The following REV3L variants were observed in gnomAD, a reference collection of about 807,000 sequenced individuals.
REV3L encodes REV3 like, DNA directed polymerase zeta catalytic subunit, also known as DNA polymerase zeta catalytic subunit.
A neutral mutation model predicts 299.4 loss-of-function variants in REV3L; 69 were observed. The observed-to-expected ratio is 0.23, with a 90% CI of 0.19 to 0.28. The LOEUF (loss-of-function observed/expected upper bound fraction) is 0.28. Ranked by LOEUF, REV3L falls within the 10% of genes least tolerant of loss-of-function variation. REV3L has a pLI of 1.00. For missense variants in REV3L, 3,128 were observed against 3,693.8 expected (o/e 0.85, Z 3.97); for synonymous variants, 1,238 against 1,271.4 (o/e 0.97, Z 0.56).
At position 111,333,192 on chromosome 6, in the gene REV3L, T is replaced by C; in HGVS notation, c.7856A>G (p.Tyr2619Cys). Residue 2619 changes from tyrosine to cysteine, a missense_variant, in exon 23 of 32, where the codon TAT becomes TGT. Tyr to Cys is a radical substitution (Grantham distance 194). Around this residue, in one of 9 missense-constraint regions of REV3L, gnomAD observed 149 missense variants for 286.4 expected, o/e 0.52. Transcript: ENST00000368802. ...SVLVLDFQSL[Y>C]PSIVIAYNYC... ...GTTATATGCAATCACAATAGAAGGA[T>C]AAAGTGATTGGAAATCCAAAACGAG... The C allele has an allele frequency of 1.2e-6, 2 of 1,614,080 alleles. No homozygotes were observed. The highest frequency in any genetic ancestry group is 1.7e-6 in the Non-Finnish European group (2 of 1,180,002).
intron 1 of REV3L, among the ~76,000 whole-genome samples, chr6:111,444,045 AAAC>A (rs1383635224): frequency 6.6e-6 from 1 of 152,258 alleles, no homozygotes; most frequent in East Asian, 1.9e-4. Flanking sequence ...AAATATGGGC[AAAC>A]AACAGAGAAT....
At chr6:111,370,877 G>A (rs1779735248) in intron 13 of REV3L, among the ~76,000 whole-genome samples, 1 of 151,846 alleles carries the variant, frequency 6.6e-6, no homozygotes, top group Non-Finnish European at 1.5e-5. Context: ...CATCATAATT[G>A]TCCAAAGTCC....
chr6:111,373,126 C>A lies in REV3L; in HGVS notation c.5229G>T (p.Gln1743His). Residue 1743 changes from glutamine (Q) to histidine (H), a missense_variant, in exon 13 of 32, where the codon CAG becomes CAT. By Grantham distance (24) the Gln-to-His change is conservative. Around this residue, in one of 9 missense-constraint regions of REV3L, gnomAD observed 2,409 missense variants for 2,611.8 expected, o/e 0.92. Coordinates refer to ENST00000368802, the MANE Select transcript of REV3L (RefSeq NM_001372078.1). ...TTAGAGGATGAAAGCTATTTTTCCACTGGTTGTGGCGACGATTCTCATTGC... is the reference window on the plus strand; with the variant it reads ...TTAGAGGATGAAAGCTATTTTTCCAATGGTTGTGGCGACGATTCTCATTGC... ...IDSNENRRHN[Q>H]WKNSFHPLTT... The A allele has an allele frequency of 6.2e-7, 1 of 1,614,122 alleles. No individual in the cohort carries two copies. Among genetic ancestry groups the A allele is most frequent in the Non-Finnish European group, 8.5e-7 (1 of 1,180,002 alleles).
At chr6:111,318,544 G>A (rs901144017) in intron 26 of REV3L, among the ~76,000 whole-genome samples, 2 of 152,134 alleles carry the variant, frequency 1.3e-5, no homozygotes, top group Non-Finnish European at 2.9e-5. Context: ...TTCTTAAAAT[G>A]TTCAGATGCA....
chr6:111,401,183 G>A (rs1341785528), intron 4 of REV3L, among the ~76,000 whole-genome samples: 1 of 152,070 alleles, frequency 6.6e-6, no homozygotes, highest in Non-Finnish European at 1.5e-5. Flanking sequence ...CTCGAAAGTG[G>A]GTAATGAACT....
chr6:111,416,525 A>G, intron 1 of REV3L, 53 bp from the exon 2 acceptor site: 1 of 1,382,832 alleles, frequency 7.2e-7, no homozygotes, highest in South Asian at 1.3e-5. Flanking sequence ...TTAACAATAC[A>G]AAACTCAGAA....
rs142773395 is a variant in REV3L at position 111,417,479 on chromosome 6, T to C, written c.140-1007A>G. ...TGGAAGAACACATCCATTTTTCTCA[T>C]GCTGTCACCCGCTCTCACTGTGCTG... On this transcript the variant is annotated intron_variant, in intron 1 of 31. Transcript: ENST00000368802. 3.3e-5 allele frequency among the ~76,000 whole-genome samples: 5 copies of C among 152,276 alleles called. No homozygotes were observed. The East Asian group carries it at 9.6e-4, about 29-fold the overall frequency.
At chr6:111,401,020 A>G (rs531776345) in intron 4 of REV3L, among the ~76,000 whole-genome samples, 55 of 152,324 alleles carry the variant, frequency 3.6e-4, no homozygotes, top group Admixed American at 5.9e-4. Flanking sequence ...AATTACCATT[A>G]TATCTTTGTC....
chr6:111,458,570 C>T (rs530103346), intron 1 of REV3L, among the ~76,000 whole-genome samples: 9 of 152,074 alleles, frequency 5.9e-5, no homozygotes, highest in Non-Finnish European at 1.3e-4. Context: ...AACTGATAAA[C>T]AACTTCAGTC....
Position 111,374,431 on chromosome 6 carries a change from C to A in REV3L, c.3924G>T (p.Leu1308Phe), listed in dbSNP as rs1780096146. 6.2e-7 allele frequency: 1 copy of A among 1,613,894 alleles called. No individual in the cohort carries two copies. Among genetic ancestry groups the A allele is most frequent in the Non-Finnish European group, 8.5e-7 (1 of 1,179,924 alleles). Residue 1308 changes from leucine (L) to phenylalanine (F), a missense_variant, in exon 13 of 32, where the codon TTG becomes TTT. Coordinates refer to ENST00000368802, the MANE Select transcript of REV3L (RefSeq NM_001372078.1). ...SFLESKKSVD[L>F]QTFPSSRDDL... Reference sequence around the variant, plus strand: ...CATCTCGTGAACTGGGGAATGTCTGCAAATCTACAGACTTCTTGCTTTCTA... The same window carrying A: ...CATCTCGTGAACTGGGGAATGTCTGAAAATCTACAGACTTCTTGCTTTCTA...
At chr6:111,428,831 C>T (rs1055157087) in intron 1 of REV3L, among the ~76,000 whole-genome samples, 3 of 151,754 alleles carry the variant, frequency 2.0e-5, no homozygotes, top group African/African-American at 4.8e-5. Context: ...CAAGAAATAA[C>T]AGAAAAAAAT....
chr6:111,404,114 T>C (rs773151149), intron 4 of REV3L, among the ~76,000 whole-genome samples: 3 of 152,198 alleles, frequency 2.0e-5, no homozygotes, highest in Non-Finnish European at 2.9e-5. Flanking sequence ...AAGGACTCTC[T>C]TGGTAGGGTT....
intron 1 of REV3L, among the ~76,000 whole-genome samples, chr6:111,465,937 T>C (rs1360553546): frequency 6.6e-6 from 1 of 152,122 alleles, no homozygotes; most frequent in Non-Finnish European, 1.5e-5. Flanking sequence ...ATTAGTCTTT[T>C]TATATTGCTA....
Position 111,377,768 on chromosome 6 carries a change from A to G in REV3L, c.1530T>C (p.Ser510=), listed in dbSNP as rs763717723. 6.2e-6 allele frequency: 10 copies of G among 1,613,314 alleles called. No individual in the cohort carries two copies. The South Asian group carries it at 7.7e-5, about 12-fold the overall frequency. The change falls in exon 12 of 32, where the codon AGT becomes AGC. Residue 510 remains serine, a synonymous_variant. Transcript: ENST00000368802. ...DSSSGEEMEW[S]DNSLLLASLS... ...GACTGGCTAGAAGCAAACTGTTATC[A>G]CTCCATTCCATTTCTTCTCCTGAAG...
intron 9 of REV3L, among the ~76,000 whole-genome samples, chr6:111,383,779 C>T (rs1040824541): frequency 6.6e-5 from 10 of 151,804 alleles, no homozygotes; most frequent in African/African-American, 2.4e-4. Context: ...TTATAAGGAA[C>T]CACAAAAGAT....
chr6:111,411,140 T>A (rs1163104887), intron 3 of REV3L, among the ~76,000 whole-genome samples: 1 of 152,122 alleles, frequency 6.6e-6, no homozygotes, highest in African/African-American at 2.4e-5. Flanking sequence ...CCTACATATT[T>A]CCCCTTGCTT....
rs1354107465 is a variant in REV3L, at chr6:111,482,926, C to T, written c.-38G>A. On this transcript the variant is annotated 5_prime_UTR_variant, in exon 1 of 32. Coordinates refer to ENST00000368802, the MANE Select transcript of REV3L (RefSeq NM_001372078.1). ...CGCCACTGCCTCCCTTCACTGGCGA[C>T]CCGGCAGCGGCAGCAGCAGCGGCGG... 7.4e-6 allele frequency: 11 copies of T among 1,490,656 alleles called. No individual in the cohort carries two copies. Among genetic ancestry groups the T allele is most frequent in the Non-Finnish European group, 9.7e-6 (11 of 1,130,974 alleles). The allele number at this position is 1,490,656 out of a possible 1,614,324, so 92.3% of individuals were successfully genotyped here.
In REV3L at chr6:111,374,323, A is replaced by G. The variant is rs1780086101; in HGVS notation, c.4032T>C (p.Ala1344=). Residue 1344 remains alanine, a synonymous_variant, in exon 13 of 32, where the codon GCT becomes GCC. Coordinates refer to ENST00000368802, the MANE Select transcript of REV3L (RefSeq NM_001372078.1). ...INVQRPHNQS[A]MFTLKESTLI... Reference sequence around the variant, plus strand: ...ACGTTGATTCCTTTAGAGTAAACATAGCACTTTGATTATGAGGCCTTTGAA... The same window carrying G: ...ACGTTGATTCCTTTAGAGTAAACATGGCACTTTGATTATGAGGCCTTTGAA... 5.6e-6 allele frequency: 9 copies of G among 1,613,888 alleles called. No individual in the cohort carries two copies. Among genetic ancestry groups the G allele is most frequent in the African/African-American group, 1.3e-5 (1 of 74,924 alleles).
At chr6:111,471,560 C>T (rs912470600) in intron 1 of REV3L, among the ~76,000 whole-genome samples, 2 of 152,108 alleles carry the variant, frequency 1.3e-5, no homozygotes, top group African/African-American at 4.8e-5. Flanking sequence ...AAGAAAGTAA[C>T]ATTTATGTTA....
Sources: allele counts gnomAD v4.1 joint callset (sites outside exome capture counted in the v4.1 genomes callset), GRCh38; gene constraint gnomAD v4.1.1; regional missense constraint gnomAD v4.1.1; transcripts MANE v1.5; gene names NCBI Gene and HGNC (gene_info 2026-07-23, HGNC 2026-07-21).